STK38L: variants seen among roughly 807,000 people sequenced by gnomAD.
STK38L encodes the protein serine/threonine-protein kinase 38-like.
Under a neutral mutation model 59.7 loss-of-function variants are expected in STK38L, and 28 were observed. That is an observed-to-expected ratio of 0.47 (90% CI 0.35 to 0.64). STK38L has a LOEUF of 0.64. Ranked by LOEUF, STK38L falls within the 30% of genes least tolerant of loss-of-function variation. The pLI, the probability that STK38L is intolerant of heterozygous loss-of-function variation, is 0.01. For synonymous variants in STK38L, 162 were observed against 176.8 expected (o/e 0.92, Z 0.66); for missense variants, 314 against 555.8 (o/e 0.56, Z 4.37).
intron 1 of STK38L, among the ~76,000 whole-genome samples, chr12:27,290,082 G>A (rs1169383881): frequency 1.3e-5 from 2 of 152,158 alleles, no homozygotes; most frequent in South Asian, 2.1e-4. Flanking sequence ...ATATGTGCTA[G>A]GAGATACTTT....
At chr12:27,254,988 G>A (rs1245449062) in intron 1 of STK38L, among the ~76,000 whole-genome samples, 1 of 152,098 alleles carries the variant, frequency 6.6e-6, no homozygotes, top group Non-Finnish European at 1.5e-5. Context: ...AACATTTCTG[G>A]ATTTAATTTT....
intron 3 of STK38L, among the ~76,000 whole-genome samples, chr12:27,305,096 T>A (rs992580285): frequency 1.3e-5 from 2 of 152,190 alleles, no homozygotes; most frequent in Non-Finnish European, 2.9e-5. Context: ...GAACCAAGGC[T>A]CATCTAAAGA....
At chr12:27,262,894 G>C (rs1167624594) in intron 1 of STK38L, among the ~76,000 whole-genome samples, 3 of 151,744 alleles carry the variant, frequency 2.0e-5, no homozygotes, top group Non-Finnish European at 4.4e-5. Context: ...AGCCTCCCGG[G>C]TTCAAGCGAT....
intron 1 of STK38L, among the ~76,000 whole-genome samples, chr12:27,259,380 G>T (rs1234316234): frequency 6.6e-6 from 1 of 152,060 alleles, no homozygotes; most frequent in African/African-American, 2.4e-5. Context: ...AGTGTGTCGG[G>T]GGCAGGTCTT....
In STK38L at chr12:27,257,175, G is replaced by T. The variant is rs12322178; in HGVS notation, c.-12+12843G>T. Among the ~76,000 whole-genome samples, 501 of 152,340 alleles carry T rather than the reference G, an allele frequency of 3.3e-3. 7 individuals are homozygous for T. Among genetic ancestry groups the T allele is most frequent in the African/African-American group, 0.011 (455 of 41,570 alleles). ...ACTGTGAGTGGAACAGAAGCTTATA[G>T]TTTGGTGAGCACACTCTCATCACTA... On this transcript the variant is annotated intron_variant, in intron 1 of 13. Transcript: ENST00000389032.
intron 3 of STK38L, among the ~76,000 whole-genome samples, chr12:27,304,623 TTCC>T (rs1167828380): frequency 6.6e-6 from 1 of 152,122 alleles, no homozygotes; most frequent in African/African-American, 2.4e-5. Context: ...GAGCATATCT[TTCC>T]TCATTTTAAA....
intron 1 of STK38L, chr12:27,245,795 A>C (rs1245087348): frequency 6.6e-6 from 1 of 152,146 alleles, no homozygotes; most frequent in Non-Finnish European, 1.5e-5. Context: ...CCTGATCTCA[A>C]AATAGGTAGG....
intron 1 of STK38L, among the ~76,000 whole-genome samples, chr12:27,253,129 G>C (rs12314529): frequency 0.077 from 11,787 of 152,224 alleles, 571 homozygotes; most frequent in Middle Eastern, 0.15. Flanking sequence ...AGAGGGATTA[G>C]CATAAATTGG....
chr12:27,278,496 C>G (rs1375261838), intron 1 of STK38L, among the ~76,000 whole-genome samples: 1 of 152,120 alleles, frequency 6.6e-6, no homozygotes, highest in African/African-American at 2.4e-5. Context: ...ATGTCTCCTA[C>G]TATTTGGGTC....
At chr12:27,286,700 A>T (rs751472733) in intron 1 of STK38L, among the ~76,000 whole-genome samples, 10 of 152,226 alleles carry the variant, frequency 6.6e-5, no homozygotes, top group Non-Finnish European at 1.5e-4. Context: ...AGTTGGAATT[A>T]TGTCAAAAAA....
chr12:27,313,904 T>C (rs1944520765), intron 6 of STK38L, among the ~76,000 whole-genome samples: 1 of 152,164 alleles, frequency 6.6e-6, no homozygotes, highest in Non-Finnish European at 1.5e-5. Flanking sequence ...TTCTGATTTT[T>C]TTGCAGTTTG....
chr12:27,274,176 C>T (rs969331841), intron 1 of STK38L, among the ~76,000 whole-genome samples: 1 of 149,698 alleles, frequency 6.7e-6, no homozygotes, highest in Admixed American at 6.7e-5. Flanking sequence ...TCAGTTTAAC[C>T]CAGGAGGCCA....
intron 1 of STK38L, among the ~76,000 whole-genome samples, chr12:27,259,060 A>G (rs1943148860): frequency 6.6e-6 from 1 of 152,172 alleles, no homozygotes; most frequent in Non-Finnish European, 1.5e-5. Flanking sequence ...AACAAAAGAA[A>G]TAAAGTTACT....
intron 1 of STK38L, among the ~76,000 whole-genome samples, chr12:27,295,318 C>T (rs1943990783): frequency 6.6e-6 from 1 of 152,146 alleles, no homozygotes; most frequent in Non-Finnish European, 1.5e-5. Flanking sequence ...GCCTGTGAAC[C>T]AGGCAGAGCA....
rs1216585861 is a variant in STK38L, at chr12:27,317,914, C to T, written c.974C>T (p.Ser325Phe). ...TACATAGGATATCCACCTTTCTGCT[C>T]TGAAACACCTCAAGAAACGTACAGA... is the stretch of plus-strand genomic sequence containing the variant. ...EMLIGYPPFC[S>F]ETPQETYRKV... The change falls in exon 11 of 14, where the codon TCT (serine) becomes TTT (phenylalanine). Residue 325 changes from serine to phenylalanine, a missense_variant. Coordinates refer to ENST00000389032, the MANE Select transcript of STK38L (RefSeq NM_015000.4). 1 of 1,613,720 alleles carries T rather than the reference C, an allele frequency of 6.2e-7. No individual in the cohort carries two copies. The highest frequency in any genetic ancestry group is 8.5e-7 in the Non-Finnish European group (1 of 1,179,906).
chr12:27,297,263 C>G (rs1251759968), intron 1 of STK38L: 1 of 153,270 alleles, frequency 6.5e-6, no homozygotes, highest in Non-Finnish European at 1.5e-5. Context: ...TCATAGAATT[C>G]ATAAGGCAGA....
intron 1 of STK38L, among the ~76,000 whole-genome samples, chr12:27,291,379 C>T (rs2136634093): frequency 6.6e-6 from 1 of 152,298 alleles, no homozygotes; most frequent in South Asian, 2.1e-4. Context: ...GCCCCATCCC[C>T]TCCAAGATTC....
At chr12:27,251,038 G>A (rs1346562212) in intron 1 of STK38L, among the ~76,000 whole-genome samples, 1 of 149,696 alleles carries the variant, frequency 6.7e-6, no homozygotes, top group African/African-American at 2.5e-5. Flanking sequence ...TTCAGATCAG[G>A]TTTGCTCTCT....
At chr12:27,319,180 TTTC>T (rs766938513) in intron 11 of STK38L, 145 bp from the exon 12 acceptor site, 1 of 559,264 alleles carries the variant, frequency 1.8e-6, no homozygotes, top group Non-Finnish European at 3.1e-6. Flanking sequence ...TGATTTTTAT[TTTC>T]TTCCACATTT....
Sources: gnomAD v4.1 joint callset for allele counts (sites outside exome capture counted in the v4.1 genomes callset) on GRCh38, gnomAD v4.1.1 for gene constraint, MANE v1.5 for transcripts, NCBI Gene and HGNC (gene_info 2026-07-23, HGNC 2026-07-21) for gene names.